The following ZNF664 variants were observed in gnomAD, a reference collection of about 807,000 sequenced individuals.
The protein encoded by ZNF664 is zinc finger protein 664.
A neutral mutation model predicts 18.2 loss-of-function variants in ZNF664; 10 were observed. That is an observed-to-expected ratio of 0.55 (90% CI 0.34 to 0.93). The LOEUF is 0.93. ZNF664 is among the 40% of genes least tolerant of loss of function. The pLI is 0.02. For synonymous variants in ZNF664, 119 were observed against 104.2 expected (o/e 1.14, Z -0.86); for missense variants, 193 against 319.0 (o/e 0.61, Z 3.01).
chr12:124,013,040 C>T lies in ZNF664; in HGVS notation c.*110C>T. ...AATATTTACGCAATCCCTAGCAGAA[C>T]ATTGTTTCTGAGGAGGCATATGTGA... On this transcript the variant is annotated 3_prime_UTR_variant, in exon 5 of 5. Coordinates refer to ENST00000337815, the MANE Select transcript of ZNF664 (RefSeq NM_152437.3). 10 of 1,346,412 alleles carry T rather than the reference C, an allele frequency of 7.4e-6. No individual in the cohort carries two copies. In the South Asian group the frequency reaches 1.5e-4, roughly 20 times the overall value. The allele number at this position is 1,346,412 out of a possible 1,614,324, so 83.4% of individuals were successfully genotyped here. A position where few individuals can be genotyped will look rare whatever the true frequency, so the allele number is the denominator to read the frequency against.
At chr12:124,004,739 C>G (rs1007699173) in intron 3 of ZNF664, 2 of 152,322 alleles carry the variant, frequency 1.3e-5, no homozygotes, top group Non-Finnish European at 2.9e-5. Context: ...GCTCCACCTC[C>G]TTTCAGATCA....
At chr12:124,005,229 A>G (rs1233692631) in intron 3 of ZNF664, among the ~76,000 whole-genome samples, 1 of 152,228 alleles carries the variant, frequency 6.6e-6, no homozygotes, top group Non-Finnish European at 1.5e-5. Flanking sequence ...AGTTGAACCC[A>G]GGTTAAGAAA....
intron 1 of ZNF664, 180 bp downstream of exon 1, chr12:123,973,532 C>T (rs1197079588): frequency 1.1e-5 from 4 of 380,072 alleles, no homozygotes; most frequent in African/African-American, 8.8e-5. Flanking sequence ...CTCCGCGCAG[C>T]CTGGCGGGTC....
chr12:124,000,633 C>T (rs139969486), intron 3 of ZNF664, among the ~76,000 whole-genome samples: 39 of 152,314 alleles, frequency 2.6e-4, no homozygotes, highest in Non-Finnish European at 4.7e-4. Context: ...CACATGACAA[C>T]GATCCCTAGA....
intron 3 of ZNF664, chr12:123,998,706 C>T (rs1252781044): frequency 6.6e-6 from 1 of 152,488 alleles, no homozygotes; most frequent in African/African-American, 2.4e-5. Context: ...CATCGCCTTC[C>T]CCTCCTCAAC....
At chr12:123,978,858 A>G (rs1956726926) in intron 2 of ZNF664, among the ~76,000 whole-genome samples, 1 of 152,224 alleles carries the variant, frequency 6.6e-6, no homozygotes, top group Non-Finnish European at 1.5e-5. Context: ...ACCCATTTTT[A>G]TATCAGAATT....
chr12:124,012,020 A>G lies in ZNF664; in HGVS notation c.-125A>G. The G allele has an allele frequency of 6.9e-7, 1 of 1,451,706 alleles. No homozygotes were observed. Among genetic ancestry groups the G allele is most frequent in the Non-Finnish European group, 9.0e-7 (1 of 1,111,428 alleles). The allele number at this position is 1,451,706 out of a possible 1,614,324, so 89.9% of individuals were successfully genotyped here. The stretch of plus-strand genomic sequence containing the variant: ...GCTTAGGCTGACCTTAAACTTACCT[A>G]ATAGAGCAAGCCTGAGATAGACTGC... On this transcript the variant is annotated 5_prime_UTR_variant, in exon 5 of 5. Transcript: ENST00000337815.
chr12:123,976,015 A>G (rs771495229), intron 2 of ZNF664, among the ~76,000 whole-genome samples: 3 of 152,220 alleles, frequency 2.0e-5, no homozygotes, highest in African/African-American at 7.2e-5. Context: ...ACATTTTAAG[A>G]TGTATGAGAT....
At position 124,012,556 on chromosome 12, in the gene ZNF664, A is replaced by C; in HGVS notation, c.412A>C (p.Thr138Pro). The change falls in exon 5 of 5, where the codon ACC becomes CCC. Residue 138 changes from threonine (T) to proline (P), a missense_variant. Thr to Pro is a conservative substitution (Grantham distance 38, BLOSUM62 -1). Transcript: ENST00000337815. Reference protein sequence around the residue: ...SNLCMHQRVHTGEKPFKCEEC... With the variant: ...SNLCMHQRVHPGEKPFKCEEC... ...CCTTTGCATGCATCAGAGAGTCCAC[A>C]CCGGAGAGAAGCCCTTTAAATGTGA... The C allele has an allele frequency of 6.2e-7, 1 of 1,614,120 alleles. No homozygotes were observed. Among genetic ancestry groups the C allele is most frequent in the Non-Finnish European group, 8.5e-7 (1 of 1,179,988 alleles).
At chr12:123,982,514 A>C (rs1237436613) in intron 2 of ZNF664, among the ~76,000 whole-genome samples, 1 of 152,188 alleles carries the variant, frequency 6.6e-6, no homozygotes, top group Non-Finnish European at 1.5e-5. Context: ...CTGGAAGGCC[A>C]TTCTGAAACT....
chr12:123,993,272 C>A (rs755974055), intron 3 of ZNF664, among the ~76,000 whole-genome samples: 1 of 152,094 alleles, frequency 6.6e-6, no homozygotes, highest in Admixed American at 6.6e-5. Context: ...AGGGCCCTGG[C>A]TTCTTCAAGA....
intron 3 of ZNF664, chr12:123,997,808 C>CA (rs1290559012): frequency 2.0e-5 from 3 of 152,216 alleles, no homozygotes; most frequent in Non-Finnish European, 4.4e-5. Flanking sequence ...CCAGATGCAA[C>CA]ATTGACGAAT....
chr12:123,997,810 T>C (rs1373309576), intron 3 of ZNF664: 3 of 152,224 alleles, frequency 2.0e-5, no homozygotes, highest in Non-Finnish European at 2.9e-5. Context: ...AGATGCAACA[T>C]TGACGAATTA....
chr12:123,981,813 C>T (rs955261887), intron 2 of ZNF664, among the ~76,000 whole-genome samples: 4 of 152,170 alleles, frequency 2.6e-5, no homozygotes, highest in Admixed American at 6.5e-5. Context: ...TGACTAGATA[C>T]TATACATAGC....
intron 3 of ZNF664, among the ~76,000 whole-genome samples, chr12:124,001,465 G>C (rs139787831): frequency 6.6e-6 from 1 of 152,074 alleles, no homozygotes; most frequent in African/African-American, 2.4e-5. Context: ...CTCCAGCCCC[G>C]CTGGCCCTGT....
chr12:123,988,584 T>G (rs137940445), intron 3 of ZNF664, among the ~76,000 whole-genome samples: 217 of 148,110 alleles, frequency 1.5e-3, no homozygotes, highest in Middle Eastern at 6.9e-3. Context: ...ATTTCTGGTG[T>G]TTTTTTTTTC....
chr12:123,994,297 C>T (rs1956922326), intron 3 of ZNF664, among the ~76,000 whole-genome samples: 1 of 152,038 alleles, frequency 6.6e-6, no homozygotes, highest in South Asian at 2.1e-4. Flanking sequence ...TTAAGGACTC[C>T]AGAGAACTTT....
chr12:123,996,813 TTG>T (rs887307201), intron 3 of ZNF664, among the ~76,000 whole-genome samples: 7 of 152,214 alleles, frequency 4.6e-5, no homozygotes, highest in African/African-American at 1.7e-4. Flanking sequence ...CAAAGCCCAC[TTG>T]TGTGTGATGG....
rs376791554 is a variant in ZNF664, at chr12:124,012,097, A to G, written c.-48A>G. 2.4e-4 allele frequency: 376 copies of G among 1,559,468 alleles called. No individual in the cohort carries two copies. Among genetic ancestry groups the G allele is most frequent in the Non-Finnish European group, 3.1e-4 (364 of 1,160,976 alleles). Reference sequence around the variant, plus strand: ...GAAATAACAGTCTTGTAACTGTAGTAATCATAAGGAAATTTTCTCCTTGAA... The same window carrying G: ...GAAATAACAGTCTTGTAACTGTAGTGATCATAAGGAAATTTTCTCCTTGAA... On this transcript the variant is annotated 5_prime_UTR_variant, in exon 5 of 5. Coordinates refer to ENST00000337815, the MANE Select transcript of ZNF664 (RefSeq NM_152437.3).
Sources: gnomAD v4.1 joint callset for allele counts (sites outside exome capture counted in the v4.1 genomes callset) on GRCh38, gnomAD v4.1.1 for gene constraint, MANE v1.5 for transcripts, NCBI Gene and HGNC (gene_info 2026-07-23, HGNC 2026-07-21) for gene names.